PIH1D2: variants seen among roughly 807,000 people sequenced by gnomAD.
The protein encoded by PIH1D2 is PIH1 domain-containing protein 2.
In PIH1D2, 25 loss-of-function variants were observed where a neutral mutation model predicts 31.2. That is an observed-to-expected ratio of 0.80 (90% CI 0.58 to 1.12). The LOEUF (loss-of-function observed/expected upper bound fraction) is 1.12, where lower values mean the gene tolerates loss of function less well. PIH1D2 is among the 50% of genes most tolerant of loss of function. The pLI is 0.00. For missense variants in PIH1D2, 310 were observed against 356.6 expected, an observed-to-expected ratio of 0.87 and a Z score of 1.05; for synonymous variants, 116 against 119.9, an observed-to-expected ratio of 0.97 and a Z score of 0.21.
chr11:112,058,918 G>A (rs1555182864), downstream of PIH1D2, among the ~76,000 whole-genome samples: 1 of 151,964 alleles, frequency 6.6e-6, no homozygotes, highest in African/African-American at 2.4e-5. Flanking sequence ...TTTCAGTATA[G>A]TTTCTCTCTT....
Position 112,071,096 on chromosome 11 carries a change from T to G in PIH1D2, c.489A>C (p.Lys163Asn). The G allele has an allele frequency of 6.2e-7, 1 of 1,613,862 alleles. No homozygotes were observed. Among genetic ancestry groups the G allele is most frequent in the Non-Finnish European group, 8.5e-7 (1 of 1,179,854 alleles). Residue 163 changes from lysine to asparagine, a missense_variant, in exon 4 of 6, where the codon AAA (lysine) becomes AAC (asparagine). Transcript: ENST00000280350. ...FRIKGSIQRM[K>N]QNLMGIQTDS... ...CAGTTTGGATTCCCATCAGATTTTG[T>G]TTCATTCTTTGAATGCTTCCTTTTA...
downstream of PIH1D2, among the ~76,000 whole-genome samples, chr11:112,064,842 A>AT (rs11412850): frequency 0.31 from 42,113 of 134,964 alleles, 7,566 homozygotes; most frequent in East Asian, 0.56. Flanking sequence ...TGGTCTCCAA[A>AT]TTTTTTTTTT....
chr11:112,071,868 G>C lies in PIH1D2; in HGVS notation c.178-110C>G, dbSNP rs1398646115. On this transcript the variant is annotated intron_variant, in intron 2 of 5. Coordinates refer to ENST00000280350, the MANE Select transcript of PIH1D2 (RefSeq NM_138789.4). ...AGCACTTTGGGGGTCCAAGGCGGCCGGATCACCTGAGGTCAGGAATTTGAG... is the reference window on the plus strand; with the variant it reads ...AGCACTTTGGGGGTCCAAGGCGGCCCGATCACCTGAGGTCAGGAATTTGAG... 2.0e-5 allele frequency: 23 copies of C among 1,160,374 alleles called. 1 individual carries two copies. The South Asian group carries it at 3.4e-4, about 17-fold the overall frequency. 71.9% of individuals were successfully genotyped at this position (1,160,374 alleles called of 1,614,324 possible). A position where few individuals can be genotyped will look rare whatever the true frequency, so the allele number is the denominator to read the frequency against.
chr11:112,061,107 C>A (rs781906137), downstream of PIH1D2: 1 of 1,614,006 alleles, frequency 6.2e-7, no homozygotes, highest in South Asian at 1.1e-5. Flanking sequence ...TATTAACCCA[C>A]CTCAAGCATG....
Position 112,073,099 on chromosome 11 carries a change from CA to C in PIH1D2, c.75del (p.Ser25ArgfsTer14). On this transcript the variant is annotated frameshift_variant, in exon 2 of 6. Coordinates refer to ENST00000280350, the MANE Select transcript of PIH1D2 (RefSeq NM_138789.4). LOFTEE classifies it high-confidence loss of function. ...ATAAACTTCTCATAGCCCTCAGGGT[CA>C]CTCTGAGCTAGATCATCTAGGAGGT... Reference protein sequence around the residue: ...FWNLLDDLAQSDPEGYEKFIQ... With the variant: ...FWNLLDDLAQXDPEGYEKFIQ... 1 of 1,614,008 alleles carries C rather than the reference CA, an allele frequency of 6.2e-7. No homozygotes were observed. The highest frequency in any genetic ancestry group is 2.2e-5 in the East Asian group (1 of 44,876).
the PIH1D2 span, among the ~76,000 whole-genome samples, chr11:112,057,913 A>C: frequency 1.3e-5 from 2 of 152,198 alleles, no homozygotes; most frequent in Non-Finnish European, 2.9e-5. Context: ...AGGTGTATAC[A>C]TTGGTTTTTT....
intron 5 of PIH1D2, among the ~76,000 whole-genome samples, chr11:112,068,905 C>T (rs994150839): frequency 6.7e-6 from 1 of 150,244 alleles, no homozygotes; most frequent in Non-Finnish European, 1.5e-5. Flanking sequence ...TTACTTTTAT[C>T]AACCAAGCTG....
At chr11:112,055,381 C>G in the PIH1D2 span, among the ~76,000 whole-genome samples, 1 of 151,490 alleles carries the variant, frequency 6.6e-6, no homozygotes, top group Non-Finnish European at 1.5e-5. Flanking sequence ...GTAGCTGGGA[C>G]TACAGGTGTG....
chr11:112,058,792 G>T (rs1490586622), downstream of PIH1D2, among the ~76,000 whole-genome samples: 1 of 151,640 alleles, frequency 6.6e-6, no homozygotes. Context: ...ATGTTATTTT[G>T]TTCATCCCTG....
downstream of PIH1D2, among the ~76,000 whole-genome samples, chr11:112,059,095 T>C (rs955572897): frequency 6.6e-6 from 1 of 152,058 alleles, no homozygotes; most frequent in Admixed American, 6.6e-5. Flanking sequence ...TACGTTCTTC[T>C]GAGGTACCAC....
chr11:112,068,563 C>T (rs587624587), intron 5 of PIH1D2, among the ~76,000 whole-genome samples: 12 of 152,216 alleles, frequency 7.9e-5, no homozygotes, highest in Admixed American at 7.9e-4. Context: ...GCAGGTGGAT[C>T]ACTTGAGGCC....
downstream of PIH1D2, among the ~76,000 whole-genome samples, chr11:112,067,338 TTGA>T (rs1864954146): frequency 1.3e-5 from 2 of 151,818 alleles, no homozygotes; most frequent in Admixed American, 1.3e-4. Flanking sequence ...TTAATTCTGG[TTGA>T]TGTTTATTTG....
chr11:112,072,064 G>A (rs1298464625), intron 2 of PIH1D2, among the ~76,000 whole-genome samples: 4 of 152,028 alleles, frequency 2.6e-5, no homozygotes, highest in Admixed American at 2.0e-4. Flanking sequence ...TTGCACTCCT[G>A]CCCGGGTGAC....
intron 5 of PIH1D2, among the ~76,000 whole-genome samples, chr11:112,069,031 C>G (rs1161923967): frequency 2.4e-4 from 31 of 130,710 alleles, no homozygotes; most frequent in African/African-American, 8.5e-4. Flanking sequence ...CAGAGTCTCG[C>G]TCTGTTGCCC....
downstream of PIH1D2, among the ~76,000 whole-genome samples, chr11:112,060,854 C>T (rs1864563628): frequency 6.6e-6 from 1 of 152,108 alleles, no homozygotes; most frequent in Admixed American, 6.5e-5. Context: ...GAAAATAAGA[C>T]ATTTTCCGGC....
chr11:112,069,751 C>G (rs1865052500), intron 5 of PIH1D2: 1 of 152,208 alleles, frequency 6.6e-6, no homozygotes. Context: ...AAGGAGCCCT[C>G]ACAATGTCTG....
intron 1 of PIH1D2, among the ~76,000 whole-genome samples, chr11:112,073,483 T>A (rs1426130731): frequency 6.6e-6 from 1 of 152,172 alleles, no homozygotes; most frequent in Non-Finnish European, 1.5e-5. Flanking sequence ...TTCCTGATCT[T>A]CTTGTTCCAA....
chr11:112,052,600 C>T, the PIH1D2 span, among the ~76,000 whole-genome samples: 1 of 152,102 alleles, frequency 6.6e-6, no homozygotes, highest in African/African-American at 2.4e-5. Context: ...CTTCCATGTC[C>T]TTTCTGGGCA....
chr11:112,063,271 A>G (rs1347122029), downstream of PIH1D2: 1 of 152,302 alleles, frequency 6.6e-6, no homozygotes, highest in Admixed American at 6.5e-5. Context: ...TACAGAATTC[A>G]ACAGTTACCT....
Sources: gnomAD v4.1 joint callset for allele counts (sites outside exome capture counted in the v4.1 genomes callset) on GRCh38, gnomAD v4.1.1 for gene constraint, MANE v1.5 for transcripts, NCBI Gene and HGNC (gene_info 2026-07-23, HGNC 2026-07-21) for gene names.